The following BTBD1 variants were observed in gnomAD, a reference collection of about 807,000 sequenced individuals.
The protein encoded by BTBD1 is BTB/POZ domain-containing protein 1.
Under a neutral mutation model 48.0 loss-of-function variants are expected in BTBD1, and 34 were observed. The ratio of observed to expected loss-of-function variants is 0.71; its 90% CI spans 0.54 to 0.94. The LOEUF is 0.94. Ranked by LOEUF, BTBD1 falls within the 40% of genes least tolerant of loss-of-function variation. The pLI is 0.00. For synonymous variants in BTBD1, 261 were observed against 242.1 expected (o/e 1.08, Z -0.72); for missense variants, 543 against 625.6 (o/e 0.87, Z 1.41).
intron 4 of BTBD1, among the ~76,000 whole-genome samples, chr15:83,034,090 C>CAAAAAAAAAAAAA (rs748026027): frequency 1.5e-5 from 1 of 67,164 alleles, no homozygotes; most frequent in Admixed American, 1.7e-4. Context: ...CTGTCTACAC[C>CAAAAAAAAAAAAA]AAAAAAAAAA....
intron 6 of BTBD1, among the ~76,000 whole-genome samples, chr15:83,019,253 G>A (rs1379389381): frequency 1.3e-5 from 2 of 151,990 alleles, no homozygotes; most frequent in Non-Finnish European, 2.9e-5. Context: ...GTAGAGACAG[G>A]GTTTCATCAT....
intron 3 of BTBD1, chr15:83,044,692 A>T (rs909261018): frequency 1.3e-6 from 2 of 1,485,454 alleles, no homozygotes; most frequent in African/African-American, 2.8e-5. Flanking sequence ...ATAACAAGAA[A>T]ACTGAAAGAT....
At chr15:83,062,678 C>T (rs939814958) in intron 1 of BTBD1, among the ~76,000 whole-genome samples, 4 of 152,070 alleles carry the variant, frequency 2.6e-5, no homozygotes, top group Non-Finnish European at 4.4e-5. Flanking sequence ...CATTACTTCA[C>T]GATGGTCCAG....
chr15:83,034,370 T>C (rs2032585975), intron 4 of BTBD1, among the ~76,000 whole-genome samples: 1 of 152,124 alleles, frequency 6.6e-6, no homozygotes, highest in Non-Finnish European at 1.5e-5. Context: ...TGCCAGAATG[T>C]TGGGTGACTG....
intron 4 of BTBD1, among the ~76,000 whole-genome samples, chr15:83,039,164 G>A (rs1487217219): frequency 1.3e-5 from 2 of 151,580 alleles, no homozygotes; most frequent in African/African-American, 4.8e-5. Context: ...AGGATCTACA[G>A]GGAATTTTAA....
chr15:83,045,268 A>C (rs143915297), intron 3 of BTBD1, among the ~76,000 whole-genome samples: 47 of 152,124 alleles, frequency 3.1e-4, no homozygotes, highest in African/African-American at 9.4e-4. Context: ...GGCCGAGGAG[A>C]GTGATCACCT....
intron 3 of BTBD1, chr15:83,044,688 A>C: frequency 2.7e-6 from 4 of 1,492,128 alleles, no homozygotes; most frequent in Middle Eastern, 3.5e-4. Context: ...CACAATAACA[A>C]GAAAACTGAA....
At chr15:83,041,410 C>G (rs1458475742) in intron 4 of BTBD1, among the ~76,000 whole-genome samples, 1 of 150,844 alleles carries the variant, frequency 6.6e-6, no homozygotes, top group Admixed American at 6.6e-5. Context: ...GAATCTCGCT[C>G]TGTCGCCCGG....
At chr15:83,036,103 C>CAAAAAAAAAAA (rs563839312) in intron 4 of BTBD1, among the ~76,000 whole-genome samples, 5 of 75,110 alleles carry the variant, frequency 6.7e-5, no homozygotes, top group Admixed American at 1.6e-4. Flanking sequence ...GTATCATTAC[C>CAAAAAAAAAAA]AAAAAAAAAA....
chr15:83,058,790 G>C (rs2033130296), intron 1 of BTBD1, among the ~76,000 whole-genome samples: 1 of 152,090 alleles, frequency 6.6e-6, no homozygotes, highest in South Asian at 2.1e-4. Context: ...CACTTAACAG[G>C]ACAAGTGCCG....
chr15:83,040,658 C>T (rs1257763436), intron 4 of BTBD1, among the ~76,000 whole-genome samples: 1 of 142,500 alleles, frequency 7.0e-6, no homozygotes, highest in African/African-American at 2.7e-5. Flanking sequence ...TGAGATCGCA[C>T]GACCGCACTC....
intron 4 of BTBD1, among the ~76,000 whole-genome samples, chr15:83,038,471 T>C (rs1315303187): frequency 1.3e-5 from 2 of 152,152 alleles, no homozygotes; most frequent in African/African-American, 4.8e-5. Context: ...ATGACCATAT[T>C]GCCCAAAGCA....
At chr15:83,058,508 T>C (rs1443136390) in intron 1 of BTBD1, among the ~76,000 whole-genome samples, 1 of 151,934 alleles carries the variant, frequency 6.6e-6, no homozygotes, top group Non-Finnish European at 1.5e-5. Flanking sequence ...ATCTGGGAGG[T>C]TGAGGCAGGA....
At chr15:83,057,479 T>C (rs1298901179) in intron 1 of BTBD1, among the ~76,000 whole-genome samples, 2 of 152,236 alleles carry the variant, frequency 1.3e-5, no homozygotes, top group Non-Finnish European at 2.9e-5. Flanking sequence ...TTTATCTGTA[T>C]GTTGTCTCAT....
chr15:83,067,006 T>A lies in BTBD1; in HGVS notation c.146A>T (p.Gln49Leu). 1 of 1,586,478 alleles carries A rather than the reference T, an allele frequency of 6.3e-7. No individual in the cohort carries two copies. Among genetic ancestry groups the A allele is most frequent in the Non-Finnish European group, 8.6e-7 (1 of 1,168,320 alleles). ...PLQREPLYNW[Q>L]ATKASLKERF... is the part of the protein sequence containing the mutation. ...CTCCTTCAGCGACGCCTTGGTCGCC[T>A]GCCAGTTGTAGAGAGGTTCCCGCTG... The change falls in exon 1 of 8, where the codon CAG becomes CTG. Residue 49 changes from glutamine to leucine, a missense_variant. Transcript: ENST00000261721.
At chr15:83,059,328 C>T (rs1313751053) in intron 1 of BTBD1, among the ~76,000 whole-genome samples, 3 of 151,820 alleles carry the variant, frequency 2.0e-5, no homozygotes, top group African/African-American at 7.3e-5. Context: ...GGTGGATCAC[C>T]TGAGGTCAGG....
chr15:83,032,907 G>A (rs1490987825), intron 4 of BTBD1, among the ~76,000 whole-genome samples: 1 of 145,856 alleles, frequency 6.9e-6, no homozygotes, highest in African/African-American at 2.6e-5. Context: ...GGAAGGTGGA[G>A]GTTGCACTGA....
chr15:83,057,237 TCTGA>T (rs2033102797), intron 1 of BTBD1, among the ~76,000 whole-genome samples: 3 of 152,336 alleles, frequency 2.0e-5, no homozygotes, highest in South Asian at 4.1e-4. Flanking sequence ...TTTCAGGGCT[TCTGA>T]CTGTTTTCAG....
intron 4 of BTBD1, among the ~76,000 whole-genome samples, chr15:83,031,931 T>G (rs1200922831): frequency 1.3e-5 from 2 of 152,062 alleles, no homozygotes; most frequent in African/African-American, 4.8e-5. Flanking sequence ...GAAAAATAGA[T>G]GTTGGCGTGA....
Sources: gnomAD v4.1 joint callset for allele counts (sites outside exome capture counted in the v4.1 genomes callset) on GRCh38, gnomAD v4.1.1 for gene constraint, MANE v1.5 for transcripts, NCBI Gene and HGNC (gene_info 2026-07-23, HGNC 2026-07-21) for gene names.